SLC35F4: variants seen among roughly 807,000 people sequenced by gnomAD.
SLC35F4 encodes chromosome 14 open reading frame 36.
In SLC35F4, 24 loss-of-function variants were observed where a neutral mutation model predicts 44.2. That is an observed-to-expected ratio of 0.54 (90% confidence interval 0.39 to 0.76). SLC35F4 has a LOEUF of 0.76. Ranked by LOEUF, SLC35F4 falls within the 30% of genes least tolerant of loss-of-function variation. The probability of loss-of-function intolerance (pLI) is 0.00; values close to 1 mark genes in which losing one functional copy is unlikely to be tolerated. For synonymous variants in SLC35F4, 238 were observed against 223.6 expected (o/e 1.06, Z -0.57); for missense variants, 562 against 586.1 (o/e 0.96, Z 0.42).
intron 1 of SLC35F4, among the ~76,000 whole-genome samples, chr14:57,626,320 T>A (rs548131169): frequency 1.6e-4 from 23 of 147,448 alleles, no homozygotes; most frequent in African/African-American, 5.4e-4. Flanking sequence ...TAAAGTATAT[T>A]TTAAAAAGGA....
chr14:57,840,067 TA>T (rs1270046406), intron 1 of SLC35F4, among the ~76,000 whole-genome samples: 1 of 152,186 alleles, frequency 6.6e-6, no homozygotes, highest in Non-Finnish European at 1.5e-5. Context: ...GCACCGTGCT[TA>T]ATGTTTTTTA....
intron 1 of SLC35F4, among the ~76,000 whole-genome samples, chr14:57,658,812 G>A (rs1366412858): frequency 6.6e-6 from 1 of 152,070 alleles, no homozygotes; most frequent in Non-Finnish European, 1.5e-5. Context: ...ATCCTAAAAC[G>A]GTATCTAGCA....
chr14:57,775,857 A>G (rs982675887), intron 1 of SLC35F4, among the ~76,000 whole-genome samples: 21 of 152,222 alleles, frequency 1.4e-4, no homozygotes, highest in African/African-American at 4.8e-4. Flanking sequence ...AAGATCATTG[A>G]GATTCAGGAG....
intron 1 of SLC35F4, among the ~76,000 whole-genome samples, chr14:57,623,438 C>A (rs375843586): frequency 6.6e-6 from 1 of 152,208 alleles, no homozygotes; most frequent in Admixed American, 6.5e-5. Context: ...ACGACTTGAA[C>A]TCAGCTCTGG....
At position 57,596,721 on chromosome 14, in the gene SLC35F4, T is replaced by G. The variant is rs1452463272; in HGVS notation, c.104-2597A>C. 4.1e-6 allele frequency: 5 copies of G among 1,227,720 alleles called. No homozygotes were observed. The South Asian group carries it at 5.9e-5, about 14-fold the overall frequency. The allele number at this position is 1,227,720 out of a possible 1,614,324, so 76.1% of individuals were successfully genotyped here. On this transcript the variant is annotated intron_variant, in intron 1 of 7. Transcript: ENST00000556826. ...TGGTAACTTGTGTGTAGCGAGCAAG[T>G]GTTGAATGTATAAGCCACACCAGTG...
At chr14:57,782,794 T>C (rs1379941160) in intron 1 of SLC35F4, among the ~76,000 whole-genome samples, 1 of 152,162 alleles carries the variant, frequency 6.6e-6, no homozygotes. Flanking sequence ...ACCATAAACT[T>C]TGAATAACAC....
At chr14:57,672,003 C>T (rs1290479712) in intron 1 of SLC35F4, among the ~76,000 whole-genome samples, 1 of 152,054 alleles carries the variant, frequency 6.6e-6, no homozygotes, top group Non-Finnish European at 1.5e-5. Flanking sequence ...TGATTCCTTA[C>T]TTCTGGATTT....
In SLC35F4 at chr14:57,719,680, GAATT is replaced by G. The variant is rs529328504; in HGVS notation, c.104-125560_104-125557del. Among the ~76,000 whole-genome samples, 15 of 151,434 alleles carry G rather than the reference GAATT, an allele frequency of 9.9e-5. No individual in the cohort carries two copies. The South Asian group carries it at 1.3e-3, about 13-fold the overall frequency. On this transcript the variant is annotated intron_variant, in intron 1 of 7. Coordinates refer to ENST00000556826, the MANE Select transcript of SLC35F4 (RefSeq NM_001306087.2). ...TAACTTTGTATCATGCAACTTTACT[GAATT>G]TATTGATCAGTTCTAATAGTTTTTT...
At chr14:57,635,014 C>T (rs1310269049) in intron 1 of SLC35F4, among the ~76,000 whole-genome samples, 1 of 152,044 alleles carries the variant, frequency 6.6e-6, no homozygotes, top group Non-Finnish European at 1.5e-5. Context: ...CCCCAGGAGG[C>T]TGACGCAGGA....
intron 1 of SLC35F4, among the ~76,000 whole-genome samples, chr14:57,792,172 C>A (rs2077937034): frequency 6.6e-6 from 1 of 151,992 alleles, no homozygotes; most frequent in African/African-American, 2.4e-5. Context: ...CTCAACATCA[C>A]TAATGATCAG....
chr14:57,936,721 T>C (rs1182379860), intron 1 of SLC35F4, among the ~76,000 whole-genome samples: 1 of 152,138 alleles, frequency 6.6e-6, no homozygotes, highest in Non-Finnish European at 1.5e-5. Context: ...CTAGACTCAG[T>C]ATTGGGAAGT....
chr14:57,726,520 C>A (rs1401080786), intron 1 of SLC35F4, among the ~76,000 whole-genome samples: 1 of 152,182 alleles, frequency 6.6e-6, no homozygotes, highest in African/African-American at 2.4e-5. Flanking sequence ...TCCTTTATCA[C>A]ATGACGTAAG....
intron 1 of SLC35F4, among the ~76,000 whole-genome samples, chr14:57,765,788 C>G (rs937022094): frequency 6.6e-5 from 10 of 152,122 alleles, no homozygotes; most frequent in African/African-American, 2.4e-4. Context: ...TTAATATGGG[C>G]TATAAGTATG....
intron 3 of SLC35F4, among the ~76,000 whole-genome samples, chr14:57,588,839 A>G (rs533970454): frequency 5.3e-5 from 8 of 152,280 alleles, no homozygotes; most frequent in African/African-American, 1.7e-4. Context: ...ATAAAACACG[A>G]CTTTCAGAAA....
chr14:57,975,509 T>G (rs975304830), downstream of SLC35F4, among the ~76,000 whole-genome samples: 6 of 152,218 alleles, frequency 3.9e-5, no homozygotes, highest in Non-Finnish European at 7.3e-5. Context: ...ATTGGTTCAT[T>G]GCAGCTTGGA....
In SLC35F4 at chr14:57,874,633, C is replaced by G. The variant is rs547073109; in HGVS notation, n.282+107280G>C. On this transcript the variant is annotated intron_variant and non_coding_transcript_variant, in intron 1 of 1. Transcript: ENST00000556568. The stretch of plus-strand genomic sequence containing the variant: ...GCCCTTCTCACTCTCAGTGGATCAT[C>G]TTTCCCCTGACCCTGTGCAATGCCA... Among the ~76,000 whole-genome samples, 45 of 152,316 alleles carry G rather than the reference C, an allele frequency of 3.0e-4. No homozygotes were observed. In the South Asian group the frequency reaches 9.3e-3, roughly 32 times the overall value.
intron 3 of SLC35F4, among the ~76,000 whole-genome samples, chr14:57,584,090 A>G (rs888584566): frequency 6.6e-6 from 1 of 152,128 alleles, no homozygotes; most frequent in Non-Finnish European, 1.5e-5. Context: ...ATAGGCAAAT[A>G]TGTCTTTGGC....
chr14:57,587,037 G>A (rs1353592633), intron 3 of SLC35F4, among the ~76,000 whole-genome samples: 10 of 151,856 alleles, frequency 6.6e-5, no homozygotes, highest in Admixed American at 6.6e-4. Context: ...ATCATCACTG[G>A]TCATTAGAGA....
chr14:57,648,722 C>T (rs1211175520), intron 1 of SLC35F4, among the ~76,000 whole-genome samples: 2 of 152,124 alleles, frequency 1.3e-5, no homozygotes, highest in African/African-American at 4.8e-5. Context: ...TTGTTTCTTT[C>T]TGAAAAATAA....
Sources: gnomAD v4.1 joint callset for allele counts (sites outside exome capture counted in the v4.1 genomes callset) on GRCh38, gnomAD v4.1.1 for gene constraint, MANE v1.5 for transcripts, NCBI Gene and HGNC (gene_info 2026-07-23, HGNC 2026-07-21) for gene names.